Variants in C3orf49 observed in about 807,000 individuals in gnomAD.
The protein encoded by C3orf49 is chromosome 3 open reading frame 49.
In C3orf49, 27 loss-of-function variants were observed where a neutral mutation model predicts 13.3. The observed-to-expected ratio is 2.02, with a 90% CI of 1.49 to 2.79. C3orf49 has a LOEUF of 2.79. Ranked by LOEUF, C3orf49 falls within the 30% of genes most tolerant of loss-of-function variation. C3orf49 has a pLI of 0.00. For missense variants in C3orf49, 242 were observed against 134.2 expected, an observed-to-expected ratio of 1.80 and a Z score of -3.97; for synonymous variants, 87 against 47.6, an observed-to-expected ratio of 1.83 and a Z score of -3.40.
At chr3:63,819,668 G>A in intron 1 of C3orf49, 72 bp downstream of exon 1, 1 of 693,794 alleles carries the variant, frequency 1.4e-6, no homozygotes, top group Non-Finnish European at 2.6e-6. Flanking sequence ...GTCCTTTTAA[G>A]CATTGCATTT....
chr3:63,840,176 C>A (rs1302894527), intron 5 of C3orf49, among the ~76,000 whole-genome samples: 2 of 152,054 alleles, frequency 1.3e-5, no homozygotes, highest in African/African-American at 2.4e-5. Flanking sequence ...TGTGAAATAA[C>A]CTGCCCAGAC....
the C3orf49 span, among the ~76,000 whole-genome samples, chr3:63,808,688 C>G: frequency 6.6e-6 from 1 of 152,158 alleles, no homozygotes; most frequent in African/African-American, 2.4e-5. Flanking sequence ...TTTAGTTGGT[C>G]AAGCTTTTAT....
At chr3:63,790,024 C>T in the C3orf49 span, among the ~76,000 whole-genome samples, 1 of 152,056 alleles carries the variant, frequency 6.6e-6, no homozygotes, top group African/African-American at 2.4e-5. Context: ...AGCACAAATC[C>T]TTATGAACCA....
chr3:63,834,957 T>G (rs1701599773), intron 5 of C3orf49, among the ~76,000 whole-genome samples: 1 of 152,172 alleles, frequency 6.6e-6, no homozygotes, highest in Admixed American at 6.5e-5. Context: ...TATGTTTAAA[T>G]CCTATATTAC....
chr3:63,831,246 T>A (rs1376951279), intron 4 of C3orf49, 23 bp downstream of exon 4: 1 of 697,892 alleles, frequency 1.4e-6, no homozygotes, highest in East Asian at 2.7e-5. Context: ...GGCTTTTAAC[T>A]TTTGAGTCTC....
chr3:63,828,651 C>A (rs1002880123), intron 3 of C3orf49, among the ~76,000 whole-genome samples: 8 of 152,084 alleles, frequency 5.3e-5, no homozygotes, highest in African/African-American at 1.9e-4. Flanking sequence ...AAAAATAGAA[C>A]CATGAACTAT....
In C3orf49 at chr3:63,823,531, A is replaced by G. The variant is rs1701426172; in HGVS notation, c.407A>G (p.Lys136Arg). 1.4e-6 allele frequency: 1 copy of G among 700,428 alleles called. No individual in the cohort carries two copies. The highest frequency in any genetic ancestry group is 2.7e-5 in the East Asian group (1 of 37,266). The allele number at this position is 700,428 out of a possible 1,614,324, so 43.4% of individuals were successfully genotyped here. A position where few individuals can be genotyped will look rare whatever the true frequency, so the allele number is the denominator to read the frequency against. ...PRIVKEFSSP[K>R]LFTAKMRKLS... ...ATTGTCAAGGAGTTTTCATCTCCCA[A>G]GTTATTTACAGCAAAAATGAGAAAG... The change falls in exon 2 of 7, where the codon AAG (lysine) becomes AGG (arginine). Residue 136 changes from lysine (K) to arginine (R), a missense_variant. Transcript: ENST00000295896.
chr3:63,835,379 G>A, intron 5 of C3orf49: 1 of 1,613,260 alleles, frequency 6.2e-7, no homozygotes. Context: ...TTTTCCCAGA[G>A]CCTCTAGTTC....
Position 63,823,428 on chromosome 3 carries a change from C to G in C3orf49, c.304C>G (p.Pro102Ala), listed in dbSNP as rs1472961993. 1.4e-6 allele frequency: 1 copy of G among 703,232 alleles called. No individual in the cohort carries two copies. The highest frequency in any genetic ancestry group is 2.7e-5 in the East Asian group (1 of 37,276). The allele number at this position is 703,232 out of a possible 1,614,324, so 43.6% of individuals were successfully genotyped here. A position where few individuals can be genotyped will look rare whatever the true frequency, so the allele number is the denominator to read the frequency against. ...RMLSYKYRSK[P>A]ACASQEGSTD... ...GCTGTCCTACAAGTATAGAAGCAAG[C>G]CAGCATGTGCCAGCCAAGAGGGCTC... Residue 102 changes from proline to alanine, a missense_variant, in exon 2 of 7, where the codon CCA becomes GCA. Transcript: ENST00000295896.
chr3:63,800,914 G>A, the C3orf49 span, among the ~76,000 whole-genome samples: 1 of 152,124 alleles, frequency 6.6e-6, no homozygotes, highest in Non-Finnish European at 1.5e-5. Context: ...AGGATATGTG[G>A]ATAGCCAAAG....
intron 5 of C3orf49, among the ~76,000 whole-genome samples, chr3:63,832,463 A>G (rs556906289): frequency 2.0e-5 from 3 of 152,212 alleles, no homozygotes; most frequent in African/African-American, 7.2e-5. Context: ...GTTTGAGACC[A>G]GCTTGGGCAA....
At chr3:63,821,975 CTTTT>C (rs1159300560) in intron 1 of C3orf49, among the ~76,000 whole-genome samples, 1 of 148,338 alleles carries the variant, frequency 6.7e-6, no homozygotes. Flanking sequence ...GTATTTCTTT[CTTTT>C]TTTTTTGTTT....
At chr3:63,836,479 A>T (rs1214474358) in intron 5 of C3orf49, 2 of 872,418 alleles carry the variant, frequency 2.3e-6, no homozygotes, top group Non-Finnish European at 3.6e-6. Context: ...AAATGAAATC[A>T]CTGAAAGATG....
chr3:63,801,699 T>C, the C3orf49 span, among the ~76,000 whole-genome samples: 1 of 152,160 alleles, frequency 6.6e-6, no homozygotes, highest in South Asian at 2.1e-4. Context: ...ATTTATCATT[T>C]CTATTGTTAC....
In C3orf49 at chr3:63,831,661, T is replaced by C. The variant is rs775583384; in HGVS notation, c.685-19T>C. On this transcript the variant is annotated intron_variant, in intron 4 of 6. Transcript: ENST00000295896. ...CTTTCCAACACATGGCTTCATTTCT[T>C]TGTATTTATCTGTCATAGGTGGATG... 2.0e-5 allele frequency: 14 copies of C among 697,834 alleles called. No individual in the cohort carries two copies. Among genetic ancestry groups the C allele is most frequent in the Non-Finnish European group, 3.1e-5 (12 of 383,988 alleles). The allele number at this position is 697,834 out of a possible 1,614,324, so 43.2% of individuals were successfully genotyped here. A position where few individuals can be genotyped will look rare whatever the true frequency, so the allele number is the denominator to read the frequency against.
At chr3:63,793,560 C>G in the C3orf49 span, among the ~76,000 whole-genome samples, 8 of 151,868 alleles carry the variant, frequency 5.3e-5, no homozygotes, top group Non-Finnish European at 1.2e-4. Context: ...TCCTCACTCT[C>G]TGCTGCTGGC....
At chr3:63,830,205 T>C (rs1055739427) in intron 3 of C3orf49, among the ~76,000 whole-genome samples, 1 of 152,222 alleles carries the variant, frequency 6.6e-6, no homozygotes, top group Non-Finnish European at 1.5e-5. Flanking sequence ...GATTTTACCA[T>C]AGTTGTATTC....
At chr3:63,844,204 G>A (rs984173849) in intron 5 of C3orf49, among the ~76,000 whole-genome samples, 6 of 152,142 alleles carry the variant, frequency 3.9e-5, no homozygotes, top group African/African-American at 1.4e-4. Context: ...GGGGTGGCTA[G>A]GGAGAAGGAG....
chr3:63,798,633 A>C, the C3orf49 span, among the ~76,000 whole-genome samples: 1 of 152,102 alleles, frequency 6.6e-6, no homozygotes, highest in Non-Finnish European at 1.5e-5. Context: ...TTTTCTGTGA[A>C]TCAATATAAA....
Sources: allele counts gnomAD v4.1 joint callset (sites outside exome capture counted in the v4.1 genomes callset), GRCh38; gene constraint gnomAD v4.1.1; transcripts MANE v1.5; gene names NCBI Gene and HGNC (gene_info 2026-07-23, HGNC 2026-07-21).